Variants in KCNIP4 observed in about 807,000 individuals in gnomAD.
The protein encoded by KCNIP4 is Kv channel-interacting protein 4.
Under a neutral mutation model 34.0 loss-of-function variants are expected in KCNIP4, and 12 were observed. The ratio of observed to expected loss-of-function variants is 0.35; its 90% confidence interval spans 0.23 to 0.57. The LOEUF (loss-of-function observed/expected upper bound fraction) is 0.57. Ranked by LOEUF, KCNIP4 falls within the 20% of genes least tolerant of loss-of-function variation. The pLI, the probability that KCNIP4 is intolerant of heterozygous loss-of-function variation, is 0.83. For missense variants in KCNIP4, 238 were observed against 311.7 expected (o/e 0.76, Z 1.78); for synonymous variants, 124 against 102.2 (o/e 1.21, Z -1.29).
At chr4:21,222,998 T>TGAAA in intron 1 of KCNIP4, among the ~76,000 whole-genome samples, 1 of 152,354 alleles carries the variant, frequency 6.6e-6, no homozygotes, top group East Asian at 1.9e-4. Flanking sequence ...GGCAGAATAC[T>TGAAA]GGCCTCCCAA....
chr4:20,979,170 A>G (rs1057036541), intron 1 of KCNIP4, among the ~76,000 whole-genome samples: 17 of 152,168 alleles, frequency 1.1e-4, no homozygotes, highest in African/African-American at 4.1e-4. Flanking sequence ...CATAAAAAAG[A>G]TATTTAATAA....
chr4:21,441,796 T>C (rs1299201521), intron 1 of KCNIP4, among the ~76,000 whole-genome samples: 2 of 152,214 alleles, frequency 1.3e-5, no homozygotes, highest in South Asian at 2.1e-4. Context: ...ATATACATTA[T>C]TGTAACAATT....
intron 1 of KCNIP4, among the ~76,000 whole-genome samples, chr4:21,226,627 T>C (rs1198136872): frequency 2.6e-5 from 4 of 152,126 alleles, no homozygotes; most frequent in African/African-American, 9.7e-5. Flanking sequence ...TCTTGAAACA[T>C]AGGGAGGACT....
intron 3 of KCNIP4, among the ~76,000 whole-genome samples, chr4:20,771,352 C>T (rs921320354): frequency 1.3e-5 from 2 of 152,132 alleles, no homozygotes; most frequent in African/African-American, 4.8e-5. Context: ...TTCTGGACTC[C>T]TTATGTGAGA....
intron 1 of KCNIP4, among the ~76,000 whole-genome samples, chr4:21,206,063 G>T (rs1756831308): frequency 6.6e-6 from 1 of 152,086 alleles, no homozygotes; most frequent in African/African-American, 2.4e-5. Context: ...TCATCCTGTG[G>T]CTTTAATTAA....
intron 1 of KCNIP4, among the ~76,000 whole-genome samples, chr4:21,184,626 T>G (rs1428866591): frequency 1.3e-5 from 2 of 152,322 alleles, no homozygotes; most frequent in Middle Eastern, 3.4e-3. Flanking sequence ...CCACTTAGGT[T>G]CGTTCTCTGC....
At chr4:21,005,404 C>A (rs950580713) in intron 1 of KCNIP4, among the ~76,000 whole-genome samples, 2 of 152,124 alleles carry the variant, frequency 1.3e-5, no homozygotes, top group Non-Finnish European at 2.9e-5. Context: ...ATCATTGGGG[C>A]CTTCTCACTT....
intron 1 of KCNIP4, among the ~76,000 whole-genome samples, chr4:21,588,118 C>T (rs1425513504): frequency 1.1e-4 from 17 of 151,934 alleles, no homozygotes; most frequent in Admixed American, 1.1e-3. Context: ...TATTTAAAGA[C>T]ATATGTCATA....
chr4:21,503,800 C>T (rs1013676226), intron 1 of KCNIP4, among the ~76,000 whole-genome samples: 1 of 152,128 alleles, frequency 6.6e-6, no homozygotes, highest in Non-Finnish European at 1.5e-5. Context: ...TGGAGTGAAC[C>T]GTGTTGATCA....
At chr4:21,861,582 A>C (rs1440892203) in intron 1 of KCNIP4, among the ~76,000 whole-genome samples, 1 of 146,504 alleles carries the variant, frequency 6.8e-6, no homozygotes, top group African/African-American at 2.5e-5. Context: ...GCCGGGACAC[A>C]GGAGGCGGAG....
At chr4:21,028,847 T>C (rs1405233294) in intron 1 of KCNIP4, among the ~76,000 whole-genome samples, 2 of 152,174 alleles carry the variant, frequency 1.3e-5, no homozygotes, top group Admixed American at 1.3e-4. Flanking sequence ...TTCTATATGA[T>C]GGATGCAAGA....
In KCNIP4 at chr4:21,918,205, C is replaced by A. The variant is rs147932344; in HGVS notation, c.61+30366G>T. Among the ~76,000 whole-genome samples the A allele has an allele frequency of 3.8e-3, 580 of 152,242 alleles. 2 individuals are homozygous for A. Among genetic ancestry groups the A allele is most frequent in the African/African-American group, 0.013 (548 of 41,538 alleles). ...ATGTCCTATAAGAGAAATGAACCTA[C>A]ATCAGAGTGAAACTAAAAATAATGG... On this transcript the variant is annotated intron_variant, in intron 1 of 8. Transcript: ENST00000382152.
At chr4:21,248,847 C>G (rs1430142051) in intron 1 of KCNIP4, among the ~76,000 whole-genome samples, 1 of 152,074 alleles carries the variant, frequency 6.6e-6, no homozygotes, top group East Asian at 1.9e-4. Context: ...GTTAGTTAAA[C>G]AACTTTCAAA....
intron 1 of KCNIP4, among the ~76,000 whole-genome samples, chr4:21,388,502 TG>T (rs1329325941): frequency 1.3e-5 from 2 of 152,102 alleles, no homozygotes; most frequent in Admixed American, 6.6e-5. Context: ...ACAGTTTTAT[TG>T]GGGTATAATC....
intron 1 of KCNIP4, among the ~76,000 whole-genome samples, chr4:21,216,337 T>G (rs1473311496): frequency 6.6e-6 from 1 of 152,252 alleles, no homozygotes; most frequent in African/African-American, 2.4e-5. Context: ...GCCATTTGCT[T>G]TCACTATATG....
At chr4:21,507,607 G>A (rs1279886801) in intron 1 of KCNIP4, among the ~76,000 whole-genome samples, 6 of 152,140 alleles carry the variant, frequency 3.9e-5, no homozygotes, top group Non-Finnish European at 7.4e-5. Flanking sequence ...ATAAGATGCA[G>A]CTTTTTAAAT....
At chr4:21,605,285 T>C (rs1011754664) in intron 1 of KCNIP4, among the ~76,000 whole-genome samples, 1 of 152,140 alleles carries the variant, frequency 6.6e-6, no homozygotes, top group African/African-American at 2.4e-5. Flanking sequence ...ACAAACACTA[T>C]GGCACAAAGG....
intron 1 of KCNIP4, among the ~76,000 whole-genome samples, chr4:21,593,246 T>C (rs1440228979): frequency 6.6e-6 from 1 of 151,910 alleles, no homozygotes; most frequent in East Asian, 1.9e-4. Context: ...AAATCAAGAA[T>C]AAAATTCTTA....
chr4:21,199,341 TCA>T (rs1172441415), intron 1 of KCNIP4, among the ~76,000 whole-genome samples: 1 of 152,258 alleles, frequency 6.6e-6, no homozygotes, highest in Non-Finnish European at 1.5e-5. Flanking sequence ...GAGCATTTTT[TCA>T]TGTGTCTGTT....
Sources: allele counts gnomAD v4.1 joint callset (sites outside exome capture counted in the v4.1 genomes callset), GRCh38; gene constraint gnomAD v4.1.1; transcripts MANE v1.5; gene names NCBI Gene and HGNC (gene_info 2026-07-23, HGNC 2026-07-21).